SDR16C5: variants seen among roughly 807,000 people sequenced by gnomAD.
SDR16C5 encodes short chain dehydrogenase/reductase family 16C member 5.
In SDR16C5, 20 loss-of-function variants were observed where a neutral mutation model predicts 27.7. The observed-to-expected ratio is 0.72, with a 90% confidence interval of 0.51 to 1.05. SDR16C5 has a LOEUF of 1.05. SDR16C5 is among the 50% of genes least tolerant of loss of function. SDR16C5 has a pLI of 0.00. For synonymous variants in SDR16C5, 139 were observed against 132.3 expected (o/e 1.05, Z -0.35); for missense variants, 374 against 366.3 (o/e 1.02, Z -0.17).
intron 4 of SDR16C5, among the ~76,000 whole-genome samples, 189 bp from the exon 5 acceptor site, chr8:56,307,009 A>G (rs1002606995): frequency 2.0e-5 from 3 of 152,232 alleles, no homozygotes; most frequent in South Asian, 4.1e-4. Context: ...ACTGAAGATC[A>G]GGGTCAGTTG....
chr8:56,304,699 C>T (rs917523914), intron 6 of SDR16C5, among the ~76,000 whole-genome samples: 54 of 151,234 alleles, frequency 3.6e-4, no homozygotes, highest in African/African-American at 1.3e-3. Flanking sequence ...CCACCATGTA[C>T]GTTTTTTATT....
intron 1 of SDR16C5, among the ~76,000 whole-genome samples, 172 bp from the exon 2 acceptor site, chr8:56,316,533 G>A (rs536683564): frequency 6.6e-5 from 10 of 152,286 alleles, no homozygotes; most frequent in Non-Finnish European, 1.5e-4. Context: ...AAGCCACAGG[G>A]ACTATACTTA....
Position 56,301,127 on chromosome 8 carries a change from G to C in SDR16C5, c.*353C>G, listed in dbSNP as rs556890569. ...CCCTCAGCCCTGCTCCCCAAGGCAG[G>C]TCAACCACAGCCGCTGGCTCCATTT... On this transcript the variant is annotated 3_prime_UTR_variant, in exon 7 of 7. Transcript: ENST00000303749. 4.5e-6 allele frequency: 1 copy of C among 220,182 alleles called. No individual in the cohort carries two copies. The highest frequency in any genetic ancestry group is 9.1e-6 in the Non-Finnish European group (1 of 109,502). 13.6% of individuals were successfully genotyped at this position (220,182 alleles called of 1,614,324 possible).
chr8:56,310,182 G>T (rs1262817913), intron 3 of SDR16C5, among the ~76,000 whole-genome samples: 1 of 13,008 alleles, frequency 7.7e-5, no homozygotes, highest in Admixed American at 1.2e-3. Flanking sequence ...AGGAGGAGGA[G>T]GAAGGAGGAG....
Position 56,309,101 on chromosome 8 carries a change from T to C in SDR16C5, c.466-74A>G, listed in dbSNP as rs143106496. ...TTTTCTCAGATATTTATATACTCAT[T>C]GTGATTAAAAAATCTTTTTTTTTCA... On this transcript the variant is annotated intron_variant, in intron 3 of 6. Transcript: ENST00000303749. 1.6e-3 allele frequency: 1,820 copies of C among 1,164,490 alleles called. 24 individuals are homozygous for C. In the African/African-American group the frequency reaches 0.027, roughly 17 times the overall value. 72.1% of individuals were successfully genotyped at this position (1,164,490 alleles called of 1,614,324 possible).
rs1358473602 is a variant in SDR16C5 at position 56,315,996 on chromosome 8, G to A, written c.333+19C>T. 1 of 1,547,094 alleles carries A rather than the reference G, an allele frequency of 6.5e-7. No individual in the cohort carries two copies. The highest frequency in any genetic ancestry group is 8.9e-7 in the Non-Finnish European group (1 of 1,121,932). On this transcript the variant is annotated intron_variant, in intron 2 of 6. Transcript: ENST00000303749. ...GTGTGATGTGTATCAAATTATAATAGTAAACACACAAGAGTTACCTGGTCG... is the reference window on the plus strand; with the variant it reads ...GTGTGATGTGTATCAAATTATAATAATAAACACACAAGAGTTACCTGGTCG...
At chr8:56,315,635 T>C (rs1368372997) in intron 2 of SDR16C5, among the ~76,000 whole-genome samples, 1 of 152,074 alleles carries the variant, frequency 6.6e-6, no homozygotes, top group African/African-American at 2.4e-5. Context: ...TAACTTACAC[T>C]GTAATAGGGG....
intron 2 of SDR16C5, 47 bp from the exon 3 acceptor site, chr8:56,312,335 G>A: frequency 1.3e-6 from 2 of 1,544,638 alleles, no homozygotes; most frequent in Non-Finnish European, 1.8e-6. Flanking sequence ...TTCCTTACAT[G>A]GGCTAGGTTT....
chr8:56,315,159 C>T (rs1052537582), intron 2 of SDR16C5, among the ~76,000 whole-genome samples: 1 of 151,730 alleles, frequency 6.6e-6, no homozygotes, highest in East Asian at 1.9e-4. Flanking sequence ...GCAAGAGAAT[C>T]GCTCGAACCC....
intron 5 of SDR16C5, 128 bp downstream of exon 5, chr8:56,306,548 T>G: frequency 1.1e-6 from 1 of 905,728 alleles, no homozygotes; most frequent in South Asian, 2.0e-5. Context: ...GACAGAATTC[T>G]AAAACCATTT....
intron 6 of SDR16C5, among the ~76,000 whole-genome samples, chr8:56,302,392 C>T (rs547474712): frequency 3.3e-5 from 5 of 152,192 alleles, no homozygotes; most frequent in Non-Finnish European, 5.9e-5. Context: ...TAATTCTCAC[C>T]GGCCGGGCGC....
At chr8:56,319,570 C>A (rs1815282226) in intron 1 of SDR16C5, among the ~76,000 whole-genome samples, 1 of 152,210 alleles carries the variant, frequency 6.6e-6, no homozygotes, top group Non-Finnish European at 1.5e-5. Flanking sequence ...CTCGGCTTCC[C>A]ATACCAGTGC....
intron 3 of SDR16C5, 45 bp from the exon 4 acceptor site, chr8:56,309,072 A>G: frequency 7.1e-7 from 1 of 1,404,540 alleles, no homozygotes. Context: ...GCCACATTGT[A>G]TAATTTTCTC....
intron 3 of SDR16C5, 172 bp from the exon 4 acceptor site, chr8:56,309,199 A>T: frequency 1.5e-6 from 1 of 689,496 alleles, no homozygotes; most frequent in Non-Finnish European, 1.8e-6. Context: ...TAACTTATTT[A>T]ACCTGTTAAA....
At chr8:56,310,277 AAGG>A (rs1224326705) in intron 3 of SDR16C5, among the ~76,000 whole-genome samples, 1 of 3,114 alleles carries the variant, frequency 3.2e-4, no homozygotes, top group Non-Finnish European at 6.2e-4. Context: ...GAGGAGGAGG[AAGG>A]AGGAGGAGGA....
intron 1 of SDR16C5, among the ~76,000 whole-genome samples, chr8:56,317,104 C>T (rs879601872): frequency 5.3e-5 from 8 of 152,120 alleles, no homozygotes; most frequent in Non-Finnish European, 1.0e-4. Flanking sequence ...AACCCCATGG[C>T]GGGGGTTCTC....
intron 3 of SDR16C5, among the ~76,000 whole-genome samples, chr8:56,309,917 G>C (rs1345117773): frequency 6.6e-6 from 1 of 151,888 alleles, no homozygotes; most frequent in East Asian, 1.9e-4. Context: ...CACTGTCTTT[G>C]TGCCTGGCAA....
chr8:56,313,731 T>A (rs1455451860), intron 2 of SDR16C5, among the ~76,000 whole-genome samples: 1 of 152,188 alleles, frequency 6.6e-6, no homozygotes, highest in African/African-American at 2.4e-5. Context: ...AATCTGCCTG[T>A]CCTGTTTTCA....
chr8:56,303,280 A>G (rs1166783110), intron 6 of SDR16C5, among the ~76,000 whole-genome samples: 1 of 148,890 alleles, frequency 6.7e-6, no homozygotes, highest in Non-Finnish European at 1.5e-5. Context: ...GCGCCATTGC[A>G]CTCCAGCCCG....
Sources: gnomAD v4.1 joint callset for allele counts (sites outside exome capture counted in the v4.1 genomes callset) on GRCh38, gnomAD v4.1.1 for gene constraint, MANE v1.5 for transcripts, NCBI Gene and HGNC (gene_info 2026-07-23, HGNC 2026-07-21) for gene names.